The following SIK2 variants were observed in gnomAD, a reference collection of about 807,000 sequenced individuals.
The protein encoded by SIK2 is serine/threonine-protein kinase SIK2.
Under a neutral mutation model 103.2 loss-of-function variants are expected in SIK2, and 29 were observed. The observed-to-expected ratio is 0.28, with a 90% confidence interval of 0.21 to 0.38. The LOEUF (loss-of-function observed/expected upper bound fraction) is 0.38, where lower values mean the gene tolerates loss of function less well. Among genes scored for constraint, SIK2 ranks in the 10% least tolerant of loss-of-function variants. The pLI is 1.00. For synonymous variants in SIK2, 412 were observed against 446.1 expected (o/e 0.92, Z 0.96); for missense variants, 879 against 1,171.0 (o/e 0.75, Z 3.64).
chr11:111,651,757 G>A (rs74335731), intron 3 of SIK2, among the ~76,000 whole-genome samples: 3,648 of 152,196 alleles, frequency 0.024, 91 homozygotes, highest in African/African-American at 0.062. Flanking sequence ...TAACAGATAT[G>A]CATTGAACAC....
intron 3 of SIK2, among the ~76,000 whole-genome samples, chr11:111,686,509 A>G (rs898149874): frequency 6.6e-5 from 10 of 152,204 alleles, no homozygotes; most frequent in Non-Finnish European, 1.3e-4. Flanking sequence ...GAATTTAAAA[A>G]CCAGTAAGCT....
chr11:111,602,833 G>T lies in SIK2; in HGVS notation c.135+135G>T. The T allele has an allele frequency of 7.8e-7, 1 of 1,286,748 alleles. No individual in the cohort carries two copies. Among genetic ancestry groups the T allele is most frequent in the Admixed American group, 3.6e-5 (1 of 27,576 alleles). The allele number at this position is 1,286,748 out of a possible 1,614,324, so 79.7% of individuals were successfully genotyped here. A position where few individuals can be genotyped will look rare whatever the true frequency, so the allele number is the denominator to read the frequency against. ...TCACTGGCGGAGGCGAGCGGGCCTG[G>T]GACTGTGAGGACCCAGGAGGTGCAG... is the stretch of plus-strand genomic sequence containing the variant. On this transcript the variant is annotated intron_variant, in intron 1 of 14. Transcript: ENST00000304987. This position sits in a 1 kb window ranked among gnomAD's most constrained non-coding sequence, Gnocchi z 4.5.
At chr11:111,672,988 C>T (rs1344777245) in intron 3 of SIK2, among the ~76,000 whole-genome samples, 1 of 152,112 alleles carries the variant, frequency 6.6e-6, no homozygotes, top group Admixed American at 6.6e-5. Context: ...GTTTGGTTTC[C>T]CTACGAATAA....
intron 3 of SIK2, among the ~76,000 whole-genome samples, chr11:111,626,374 CT>C (rs1217039936): frequency 2.1e-3 from 302 of 142,642 alleles, no homozygotes; most frequent in Non-Finnish European, 1.9e-3. Flanking sequence ...AACTCATGAT[CT>C]TTTTTTTTTT....
intron 8 of SIK2, among the ~76,000 whole-genome samples, chr11:111,709,411 A>G (rs1173857753): frequency 6.6e-6 from 1 of 152,200 alleles, no homozygotes; most frequent in Admixed American, 6.5e-5. Flanking sequence ...AGGTCATAAC[A>G]AGTATTTGCC....
intron 6 of SIK2, among the ~76,000 whole-genome samples, chr11:111,702,638 G>A (rs1943242560): frequency 1.3e-5 from 2 of 152,174 alleles, no homozygotes; most frequent in South Asian, 4.1e-4. Flanking sequence ...TATAGTGACA[G>A]GAGGTTACCT....
Position 111,631,391 on chromosome 11 carries a change from C to T in SIK2, c.316+10989C>T, listed in dbSNP as rs567034423. On this transcript the variant is annotated intron_variant, in intron 3 of 14. Coordinates refer to ENST00000304987, the MANE Select transcript of SIK2 (RefSeq NM_015191.3). ...GGAGTTTATGGTAGACTCACATCAGCAGTGCTTTTCAATCCAAGAGGAGAA... is the reference window on the plus strand; with the variant it reads ...GGAGTTTATGGTAGACTCACATCAGTAGTGCTTTTCAATCCAAGAGGAGAA... Among the ~76,000 whole-genome samples, 3 of 152,234 alleles carry T rather than the reference C, an allele frequency of 2.0e-5. No homozygotes were observed. In the South Asian group the frequency reaches 6.2e-4, roughly 32 times the overall value.
At chr11:111,645,805 GAAAA>G (rs1555027374) in intron 3 of SIK2, among the ~76,000 whole-genome samples, 1 of 136,266 alleles carries the variant, frequency 7.3e-6, no homozygotes, top group African/African-American at 2.7e-5. Flanking sequence ...ACAAGAGCAA[GAAAA>G]AAAAAAAAGA....
intron 4 of SIK2, among the ~76,000 whole-genome samples, chr11:111,696,300 G>T (rs1462183885): frequency 1.3e-5 from 2 of 152,178 alleles, no homozygotes; most frequent in Non-Finnish European, 2.9e-5. Flanking sequence ...ATTAATAGTA[G>T]TGAATCAGTG....
intron 9 of SIK2, 125 bp from the exon 10 acceptor site, chr11:111,719,650 A>C (rs1295271736): frequency 5.4e-6 from 5 of 924,392 alleles, no homozygotes; most frequent in Non-Finnish European, 8.3e-6. Flanking sequence ...TGCATAATAA[A>C]TATGTGCATG....
chr11:111,677,579 A>C (rs1467902008), intron 3 of SIK2, among the ~76,000 whole-genome samples: 3 of 133,582 alleles, frequency 2.2e-5, no homozygotes, highest in Non-Finnish European at 4.6e-5. Context: ...CACAATGCCC[A>C]GCTAAAATTT....
intron 3 of SIK2, among the ~76,000 whole-genome samples, chr11:111,663,714 TA>T (rs1285818708): frequency 1.3e-5 from 2 of 152,134 alleles, no homozygotes; most frequent in Admixed American, 1.3e-4. Context: ...GTCTTGGCCT[TA>T]GGTGGTCATG....
intron 4 of SIK2, among the ~76,000 whole-genome samples, chr11:111,696,591 A>G (rs74843425): frequency 6.6e-6 from 1 of 152,252 alleles, no homozygotes; most frequent in East Asian, 1.9e-4. Flanking sequence ...ACATTAAACT[A>G]GAAAGATGTT....
At chr11:111,656,848 T>C (rs1484147976) in intron 3 of SIK2, among the ~76,000 whole-genome samples, 1 of 152,228 alleles carries the variant, frequency 6.6e-6, no homozygotes, top group African/African-American at 2.4e-5. Flanking sequence ...ACTCTAGATG[T>C]TTAGCTAACT....
At chr11:111,679,818 A>G (rs1785835881) in intron 3 of SIK2, among the ~76,000 whole-genome samples, 1 of 152,156 alleles carries the variant, frequency 6.6e-6, no homozygotes, top group Non-Finnish European at 1.5e-5. Context: ...TGAAGTCTTG[A>G]TCTACAATAA....
chr11:111,620,667 A>G (rs919542772), intron 3 of SIK2, among the ~76,000 whole-genome samples: 2 of 152,158 alleles, frequency 1.3e-5, no homozygotes, highest in Non-Finnish European at 2.9e-5. Context: ...ATTGCAAAGG[A>G]TATTTTCTTT....
At chr11:111,613,445 G>A (rs747197855) in intron 1 of SIK2, among the ~76,000 whole-genome samples, 11 of 152,216 alleles carry the variant, frequency 7.2e-5, no homozygotes, top group South Asian at 4.1e-4. Context: ...ATGCATGTCC[G>A]TGAAACTTGA....
At chr11:111,606,598 T>C (rs984665909) in intron 1 of SIK2, among the ~76,000 whole-genome samples, 4 of 152,166 alleles carry the variant, frequency 2.6e-5, no homozygotes, top group African/African-American at 9.6e-5. Context: ...CCCTTATTAA[T>C]GAATATTATG....
In SIK2 at chr11:111,722,650, T is replaced by C. The variant is rs761133659; in HGVS notation, c.2056-15T>C. The C allele has an allele frequency of 6.2e-7, 1 of 1,611,982 alleles. No homozygotes were observed. Among genetic ancestry groups the C allele is most frequent in the Admixed American group, 1.7e-5 (1 of 59,432 alleles). ...AGCACATTGTCACGCTCATGTTGTT[T>C]TTCTGCTCTTCCAGAAGCCCAGCCT... On this transcript the variant is annotated splice_polypyrimidine_tract_variant and intron_variant, in intron 13 of 14. Transcript: ENST00000304987. This position sits in a 1 kb window ranked among gnomAD's most constrained non-coding sequence, Gnocchi z 4.4.
Sources: gnomAD v4.1 joint callset for allele counts (sites outside exome capture counted in the v4.1 genomes callset) on GRCh38, gnomAD v4.1.1 for gene constraint, Gnocchi (gnomAD v3.1) non-coding constraint, MANE v1.5 for transcripts, NCBI Gene and HGNC (gene_info 2026-07-23, HGNC 2026-07-21) for gene names.